Variants in ZEB1 observed in about 807,000 individuals in gnomAD.
ZEB1 encodes zinc finger E-box binding homeobox 1, also known as zinc finger E-box-binding homeobox 1.
ZEB1 carries 21 observed loss-of-function variants against 84.9 expected under a neutral mutation model. The ratio of observed to expected loss-of-function variants is 0.25; its 90% CI spans 0.18 to 0.36. ZEB1 has a LOEUF of 0.36. Among genes scored for constraint, ZEB1 ranks in the 10% least tolerant of loss-of-function variants. The pLI, the probability that ZEB1 is intolerant of heterozygous loss-of-function variation, is 1.00. For synonymous variants in ZEB1, 420 were observed against 471.1 expected, an observed-to-expected ratio of 0.89 and a Z score of 1.41; for missense variants, 1,104 against 1,330.2, an observed-to-expected ratio of 0.83 and a Z score of 2.65.
At chr10:31,397,807 C>A (rs2051081081) in intron 1 of ZEB1, among the ~76,000 whole-genome samples, 1 of 152,144 alleles carries the variant, frequency 6.6e-6, no homozygotes, top group Non-Finnish European at 1.5e-5. Context: ...TATTTACTAA[C>A]TGGCCCTTTT....
intron 1 of ZEB1, among the ~76,000 whole-genome samples, chr10:31,385,338 A>G (rs567775760): frequency 6.6e-6 from 1 of 152,282 alleles, no homozygotes; most frequent in African/African-American, 2.4e-5. Context: ...TTTTAATTCT[A>G]CATTTTCAGA....
intron 1 of ZEB1, among the ~76,000 whole-genome samples, chr10:31,356,458 G>T (rs1293290682): frequency 2.6e-5 from 4 of 151,948 alleles, no homozygotes; most frequent in African/African-American, 9.7e-5. Flanking sequence ...TTGATTGATT[G>T]AAACTTACAT....
chr10:31,516,944 A>G (rs2071268665), intron 6 of ZEB1, among the ~76,000 whole-genome samples: 1 of 152,098 alleles, frequency 6.6e-6, no homozygotes, highest in South Asian at 2.1e-4. Context: ...TGTGTTACTC[A>G]TTCTTGAGAT....
In ZEB1 at chr10:31,526,027, C is replaced by T. The variant is rs182310928; in HGVS notation, c.2786-645C>T. 7.2e-5 allele frequency among the ~76,000 whole-genome samples: 11 copies of T among 152,306 alleles called. No homozygotes were observed. In the East Asian group the frequency reaches 2.1e-3, roughly 29 times the overall value. ...CTGACTATGATCAGTTGTTGCCAGT[C>T]CTTTTCATGTCTGGGCAGCAACACT... On this transcript the variant is annotated intron_variant, in intron 8 of 8. Coordinates refer to ENST00000424869, the MANE Select transcript of ZEB1 (RefSeq NM_001174096.2).
chr10:31,395,575 A>C (rs1012311909), intron 1 of ZEB1, among the ~76,000 whole-genome samples: 1 of 152,170 alleles, frequency 6.6e-6, no homozygotes, highest in African/African-American at 2.4e-5. Flanking sequence ...GGGCAGGGGA[A>C]AGAAAAGAAA....
chr10:31,365,968 C>T (rs546696475), intron 1 of ZEB1, among the ~76,000 whole-genome samples: 15 of 152,342 alleles, frequency 9.8e-5, no homozygotes, highest in African/African-American at 2.6e-4. Context: ...TTCTTTCTTC[C>T]TCAGTAACAC....
At chr10:31,335,379 G>A (rs1479003745) in intron 1 of ZEB1, among the ~76,000 whole-genome samples, 1 of 152,092 alleles carries the variant, frequency 6.6e-6, no homozygotes, top group Non-Finnish European at 1.5e-5. Context: ...GTCTTGAAAC[G>A]TATGCCCTGT....
chr10:31,429,082 T>C (rs2057351726), intron 1 of ZEB1, among the ~76,000 whole-genome samples: 2 of 152,204 alleles, frequency 1.3e-5, no homozygotes, highest in Admixed American at 1.3e-4. Flanking sequence ...AATAGTGATA[T>C]GTGTGGATTT....
At chr10:31,447,689 G>A (rs200365408) in intron 1 of ZEB1, among the ~76,000 whole-genome samples, 1 of 150,768 alleles carries the variant, frequency 6.6e-6, no homozygotes, top group Non-Finnish European at 1.5e-5. Flanking sequence ...AGTTTGGCTG[G>A]ATATGAAATT....
chr10:31,385,718 G>C (rs2135046156), intron 1 of ZEB1, among the ~76,000 whole-genome samples: 1 of 151,832 alleles, frequency 6.6e-6, no homozygotes, highest in Admixed American at 6.6e-5. Flanking sequence ...AGTAGAGATG[G>C]GGTTTCACCA....
rs966535628 is a variant in ZEB1, at chr10:31,321,362, T to C, written c.58+2070T>C. The C allele has an allele frequency of 7.2e-6, 11 of 1,525,006 alleles. No homozygotes were observed. The Admixed American group carries it at 2.1e-4, about 30-fold the overall frequency. 94.5% of individuals were successfully genotyped at this position (1,525,006 alleles called of 1,614,324 possible). On this transcript the variant is annotated intron_variant, in intron 1 of 8. Transcript: ENST00000424869. ...AATAAACACTTGCATTTTAAAGACG[T>C]CTGTTGATTATAAACGAAAGGTATT...
intron 1 of ZEB1, among the ~76,000 whole-genome samples, chr10:31,327,204 A>G (rs1160940576): frequency 7.0e-6 from 1 of 142,290 alleles, no homozygotes; most frequent in Non-Finnish European, 1.5e-5. Flanking sequence ...TCTGTCTCCC[A>G]GGTTCAAGTG....
intron 1 of ZEB1, chr10:31,320,827 C>T (rs1435174183): frequency 2.0e-5 from 3 of 152,202 alleles, no homozygotes; most frequent in Middle Eastern, 6.8e-3. Context: ...GAGACTTGTC[C>T]GCCCGGGGGC....
chr10:31,444,537 A>G (rs929950439), intron 1 of ZEB1, among the ~76,000 whole-genome samples: 11 of 151,038 alleles, frequency 7.3e-5, no homozygotes, highest in Non-Finnish European at 1.2e-4. Flanking sequence ...TAGGGTTTTT[A>G]TGGTTTTAGG....
rs1354409246 is a variant in ZEB1 at position 31,378,203 on chromosome 10, C to T, written c.58+58911C>T. On this transcript the variant is annotated intron_variant, in intron 1 of 8. Coordinates refer to ENST00000424869, the MANE Select transcript of ZEB1 (RefSeq NM_001174096.2). ...GGCGGGAGAGTATTTGTGATCTGCT[C>T]ACTGAAGCACCACTATATTATCCAG... 2.6e-5 allele frequency among the ~76,000 whole-genome samples: 4 copies of T among 151,606 alleles called. No homozygotes were observed. The East Asian group carries it at 7.8e-4, about 29-fold the overall frequency.
At chr10:31,489,528 T>C (rs894607054) in intron 2 of ZEB1, among the ~76,000 whole-genome samples, 2 of 151,512 alleles carry the variant, frequency 1.3e-5, no homozygotes, top group South Asian at 4.1e-4. Flanking sequence ...TTTTTGTTTT[T>C]CTCTCTGTAT....
intron 2 of ZEB1, among the ~76,000 whole-genome samples, chr10:31,466,924 G>A (rs1402858366): frequency 6.6e-6 from 1 of 152,138 alleles, no homozygotes; most frequent in Non-Finnish European, 1.5e-5. Context: ...AGGGATTAAA[G>A]ATGGCCAACT....
At chr10:31,361,350 G>A in intron 1 of ZEB1, 1 of 785,114 alleles carries the variant, frequency 1.3e-6, no homozygotes, top group Non-Finnish European at 2.1e-6. Flanking sequence ...AAGCCACCAT[G>A]CCCGCCTAAT....
chr10:31,457,740 C>A (rs924950051), intron 1 of ZEB1, among the ~76,000 whole-genome samples: 1 of 151,986 alleles, frequency 6.6e-6, no homozygotes, highest in African/African-American at 2.4e-5. Context: ...GAATAGAACA[C>A]CCAGTATCTC....
Sources: gnomAD v4.1 joint callset for allele counts (sites outside exome capture counted in the v4.1 genomes callset) on GRCh38, gnomAD v4.1.1 for gene constraint, MANE v1.5 for transcripts, NCBI Gene and HGNC (gene_info 2026-07-23, HGNC 2026-07-21) for gene names.